The following NAA16 variants were observed in gnomAD, a reference collection of about 807,000 sequenced individuals.
The protein encoded by NAA16 is NARG1-like protein.
Under a neutral mutation model 110.3 loss-of-function variants are expected in NAA16, and 97 were observed. That is an observed-to-expected ratio of 0.88 (90% CI 0.75 to 1.04). The LOEUF (loss-of-function observed/expected upper bound fraction) is 1.04. Ranked by LOEUF, NAA16 falls within the 50% of genes least tolerant of loss-of-function variation. The pLI is 0.00. For synonymous variants in NAA16, 372 were observed against 330.6 expected (o/e 1.13, Z -1.36); for missense variants, 1,017 against 1,005.1 (o/e 1.01, Z -0.16).
At chr13:41,318,265 GC>G in intron 2 of NAA16, among the ~76,000 whole-genome samples, 1 of 151,818 alleles carries the variant, frequency 6.6e-6, no homozygotes, top group African/African-American at 2.4e-5. Flanking sequence ...GAGTACAGTG[GC>G]ACAATCTTGG....
In NAA16 at chr13:41,367,338, CTGTT is replaced by C. The variant is rs1457715831; in HGVS notation, c.1540-99_1540-96del. The C allele has an allele frequency of 6.0e-5, 45 of 745,520 alleles. 1 individual carries two copies. Among genetic ancestry groups the C allele is most frequent in the South Asian group, 3.9e-4 (20 of 51,322 alleles). 46.2% of individuals were successfully genotyped at this position (745,520 alleles called of 1,614,324 possible). A position where few individuals can be genotyped will look rare whatever the true frequency, so the allele number is the denominator to read the frequency against. ...GAGGGCAGCTAAGTGAAAATTGTGA[CTGTT>C]TAAATTGTTTTTTGGGCTTTTTACA... On this transcript the variant is annotated intron_variant, in intron 13 of 19. Transcript: ENST00000379406.
chr13:41,369,105 A>G lies in NAA16; in HGVS notation c.1769A>G (p.Lys590Arg). 6.4e-7 allele frequency: 1 copy of G among 1,563,938 alleles called. No homozygotes were observed. Among genetic ancestry groups the G allele is most frequent in the South Asian group, 1.2e-5 (1 of 81,588 alleles). ...QEINSENLSA[K>R]ELKKMLSKQR... ...ATATTTATAGAAAACTTGTCAGCCA[A>G]AGAATTGAAGAAAATGCTTAGCAAG... The change falls in exon 15 of 20, where the codon AAA becomes AGA. Residue 590 changes from lysine to arginine, a missense_variant. Physicochemically the swap from Lys to Arg is conservative, Grantham distance 26. Coordinates refer to ENST00000379406, the MANE Select transcript of NAA16 (RefSeq NM_024561.5).
chr13:41,369,271 A>G lies in NAA16; in HGVS notation c.1935A>G (p.Glu645=). The change falls in exon 15 of 20, where the codon GAA becomes GAG. Residue 645 remains glutamate (E), a synonymous_variant. Transcript: ENST00000379406. Reference sequence around the variant, plus strand: ...GCCTTAAGGAAGAACTTATACCTGAAAAATTAGAAAGGGTGAGATGGGTTT... The same window carrying G: ...GCCTTAAGGAAGAACTTATACCTGAGAAATTAGAAAGGGTGAGATGGGTTT... ...ASGLKEELIP[E]KLERVENPLE... The G allele has an allele frequency of 6.4e-7, 1 of 1,566,680 alleles. No individual in the cohort carries two copies. The highest frequency in any genetic ancestry group is 8.6e-7 in the Non-Finnish European group (1 of 1,166,914).
At chr13:41,320,186 GTAGGTGA>G (rs2041912320) in intron 3 of NAA16, among the ~76,000 whole-genome samples, 1 of 152,154 alleles carries the variant, frequency 6.6e-6, no homozygotes, top group African/African-American at 2.4e-5. Flanking sequence ...AACTAGGGAA[GTAGGTGA>G]TAGTTACACA....
chr13:41,374,858 G>C lies in NAA16; in HGVS notation c.2397+19G>C. ...TGTAAAGGTAAGTTTTTTTTCTTTG[G>C]CTGATTTATGCTTACACAGTGATCT... On this transcript the variant is annotated intron_variant, in intron 19 of 19. Transcript: ENST00000379406. 7.0e-7 allele frequency: 1 copy of C among 1,426,364 alleles called. No individual in the cohort carries two copies. The highest frequency in any genetic ancestry group is 2.3e-5 in the East Asian group (1 of 43,866). 88.4% of individuals were successfully genotyped at this position (1,426,364 alleles called of 1,614,324 possible). A position where few individuals can be genotyped will look rare whatever the true frequency, so the allele number is the denominator to read the frequency against.
chr13:41,319,400 A>C (rs1360621666), intron 3 of NAA16, among the ~76,000 whole-genome samples: 1 of 152,230 alleles, frequency 6.6e-6, no homozygotes, highest in East Asian at 1.9e-4. Flanking sequence ...TTAATATATA[A>C]GTATGATATT....
intron 9 of NAA16, among the ~76,000 whole-genome samples, chr13:41,349,960 C>A (rs1488211942): frequency 3.2e-5 from 4 of 126,756 alleles, no homozygotes; most frequent in African/African-American, 6.0e-5. Context: ...GACTCCGTCT[C>A]AAAAAAAAAA....
In NAA16 at chr13:41,328,812, T is replaced by C. The variant is rs769772928; in HGVS notation, c.780T>C (p.Tyr260=). 4.4e-6 allele frequency: 7 copies of C among 1,604,958 alleles called. No individual in the cohort carries two copies. The highest frequency in any genetic ancestry group is 1.3e-5 in the African/African-American group (1 of 74,736). ...ATCGAAATGCAGAAAATTGGTGTTA[T>C]TATGAAGGCTTGGAAAAAGCTCTAC... ...LIDRNAENWC[Y]YEGLEKALQI... The change falls in exon 7 of 20, where the codon TAT becomes TAC. Residue 260 remains tyrosine (Y), a synonymous_variant. Transcript: ENST00000379406.
chr13:41,344,199 C>T (rs1253640131), intron 9 of NAA16, among the ~76,000 whole-genome samples: 1 of 152,170 alleles, frequency 6.6e-6, no homozygotes, highest in Non-Finnish European at 1.5e-5. Flanking sequence ...TCTTGATAAA[C>T]ACAGATAAAT....
At chr13:41,370,293 A>C (rs2139515673) in intron 15 of NAA16, among the ~76,000 whole-genome samples, 1 of 152,326 alleles carries the variant, frequency 6.6e-6, no homozygotes, top group East Asian at 1.9e-4. Context: ...CCATTGAGAA[A>C]ATCATTGAGG....
chr13:41,374,378 TACTG>T (rs2043387460), intron 18 of NAA16: 1 of 161,470 alleles, frequency 6.2e-6, no homozygotes, highest in Non-Finnish European at 1.3e-5. Context: ...TTGGCTGAAA[TACTG>T]ATTGATGCCA....
Position 41,362,037 on chromosome 13 carries a change from A to G in NAA16, c.1417A>G (p.Thr473Ala), listed in dbSNP as rs753825616. Residue 473 changes from threonine (T) to alanine (A), a missense_variant, in exon 13 of 20, where the codon ACA (threonine) becomes GCA (alanine). Thr to Ala is a moderately conservative substitution (Grantham distance 58). Transcript: ENST00000379406. ...TTGAATGCTTCCATTTCAGGAAGGA[A>G]CATCTGCCATGGAAAATCTAAATGA... ...EMCSKFTREGTSAMENLNEMQ... is the reference protein window; with the variant it reads ...EMCSKFTREGASAMENLNEMQ... The G allele has an allele frequency of 2.5e-6, 4 of 1,610,480 alleles. No individual in the cohort carries two copies. The highest frequency in any genetic ancestry group is 3.4e-5 in the Admixed American group (2 of 59,256).
chr13:41,346,429 AAC>A (rs1339700667), intron 9 of NAA16, among the ~76,000 whole-genome samples: 2 of 152,158 alleles, frequency 1.3e-5, no homozygotes, highest in African/African-American at 2.4e-5. Context: ...CTCAGGAAAA[AAC>A]ACAGTTTATC....
rs201113315 is a variant in NAA16 at position 41,374,636 on chromosome 13, C to T, written c.2300-106C>T. ...CTGGTAGGAGCCAGCTCCAGCTTACCACTGATTAAACACTTAAAACCATAT... is the reference window on the plus strand; with the variant it reads ...CTGGTAGGAGCCAGCTCCAGCTTACTACTGATTAAACACTTAAAACCATAT... On this transcript the variant is annotated intron_variant, in intron 18 of 19. Transcript: ENST00000379406. The T allele has an allele frequency of 9.4e-5, 67 of 712,970 alleles. No homozygotes were observed. The East Asian group carries it at 1.7e-3, about 18-fold the overall frequency. 44.2% of individuals were successfully genotyped at this position (712,970 alleles called of 1,614,324 possible). A position where few individuals can be genotyped will look rare whatever the true frequency, so the allele number is the denominator to read the frequency against.
At chr13:41,348,223 A>AGT (rs1254612564) in intron 9 of NAA16, among the ~76,000 whole-genome samples, 5 of 152,024 alleles carry the variant, frequency 3.3e-5, no homozygotes, top group African/African-American at 1.2e-4. Context: ...GCTGGAGTGC[A>AGT]GTGGCACAAT....
At chr13:41,374,294 G>A (rs1044359798) in intron 18 of NAA16, among the ~76,000 whole-genome samples, 2 of 151,316 alleles carry the variant, frequency 1.3e-5, no homozygotes, top group Non-Finnish European at 2.9e-5. Flanking sequence ...TGTTTTCCCC[G>A]CCCCTACTCT....
chr13:41,313,499 T>C (rs2041709267), intron 1 of NAA16, among the ~76,000 whole-genome samples: 3 of 152,260 alleles, frequency 2.0e-5, no homozygotes, highest in Admixed American at 2.0e-4. Context: ...ACAAATTCCA[T>C]AGCAAACAGA....
chr13:41,336,103 A>G lies in NAA16; in HGVS notation c.908-547A>G, dbSNP rs144200237. ...ATGCCCATGGCTCAGTCTAATGTCT[A>G]ACATAAATTTACTTTACTTTTATTG... is the stretch of plus-strand genomic sequence containing the variant. On this transcript the variant is annotated intron_variant, in intron 8 of 19. Coordinates refer to ENST00000379406, the MANE Select transcript of NAA16 (RefSeq NM_024561.5). Among the ~76,000 whole-genome samples, 585 of 152,302 alleles carry G rather than the reference A, an allele frequency of 3.8e-3. 2 individuals are homozygous for G. The highest frequency in any genetic ancestry group is 0.013 in the African/African-American group (554 of 41,574).
chr13:41,338,827 AGTG>A (rs1463131005), intron 9 of NAA16, among the ~76,000 whole-genome samples: 3 of 152,112 alleles, frequency 2.0e-5, no homozygotes, highest in African/African-American at 7.2e-5. Context: ...TAAGTTCTTT[AGTG>A]GTGATTTCTG....
Sources: gnomAD v4.1 joint callset for allele counts (sites outside exome capture counted in the v4.1 genomes callset) on GRCh38, gnomAD v4.1.1 for gene constraint, MANE v1.5 for transcripts, NCBI Gene and HGNC (gene_info 2026-07-23, HGNC 2026-07-21) for gene names.